Variants in ELOVL2 observed in about 807,000 individuals in gnomAD.
ELOVL2 encodes the protein very long chain fatty acid elongase 2.
A neutral mutation model predicts 37.7 loss-of-function variants in ELOVL2; 38 were observed. The ratio of observed to expected loss-of-function variants is 1.01; its 90% CI spans 0.78 to 1.32. The LOEUF (loss-of-function observed/expected upper bound fraction) is 1.32, where lower values mean the gene tolerates loss of function less well. ELOVL2 is among the 40% of genes most tolerant of loss of function. ELOVL2 has a pLI of 0.00. For missense variants in ELOVL2, 352 were observed against 363.6 expected (o/e 0.97, Z 0.26); for synonymous variants, 115 against 122.3 (o/e 0.94, Z 0.40).
intron 5 of ELOVL2, among the ~76,000 whole-genome samples, chr6:10,992,814 A>C (rs1483154785): frequency 6.6e-6 from 1 of 151,948 alleles, no homozygotes; most frequent in African/African-American, 2.4e-5. Context: ...AAAAAACAAA[A>C]AAAAACAGGA....
Position 10,982,531 on chromosome 6 carries a change from A to G in ELOVL2, c.*1250T>C, listed in dbSNP as rs1311934552. On this transcript the variant is annotated 3_prime_UTR_variant, in exon 8 of 8. Transcript: ENST00000354666. ...TATTCTTTGTTTCCATTCTTGGTAG[A>G]GTTTAGTAGTGAGTAACAGTCCTGC... 1 of 152,192 alleles carries G rather than the reference A, an allele frequency of 6.6e-6. No homozygotes were observed. Among genetic ancestry groups the G allele is most frequent in the Non-Finnish European group, 1.5e-5 (1 of 68,032 alleles). 9.4% of individuals were successfully genotyped at this position (152,192 alleles called of 1,614,324 possible). A position where few individuals can be genotyped will look rare whatever the true frequency, so the allele number is the denominator to read the frequency against.
At position 10,983,385 on chromosome 6, in the gene ELOVL2, A is replaced by G. The variant is rs1444103970; in HGVS notation, c.*396T>C. 2 of 156,198 alleles carry G rather than the reference A, an allele frequency of 1.3e-5. No homozygotes were observed. The highest frequency in any genetic ancestry group is 3.8e-4 in the East Asian group (2 of 5,328). 9.7% of individuals were successfully genotyped at this position (156,198 alleles called of 1,614,324 possible). The stretch of plus-strand genomic sequence containing the variant: ...TTAGAACATACCCTGTATTTAGAAT[A>G]TAATTAACATTTTGTTGTAAACATT... On this transcript the variant is annotated 3_prime_UTR_variant, in exon 8 of 8. Coordinates refer to ENST00000354666, the MANE Select transcript of ELOVL2 (RefSeq NM_017770.4).
At chr6:11,022,915 T>C (rs1199473003) in intron 1 of ELOVL2, among the ~76,000 whole-genome samples, 2 of 152,198 alleles carry the variant, frequency 1.3e-5, no homozygotes, top group African/African-American at 4.8e-5. Context: ...TCCAAACACA[T>C]ACTTGTAACA....
At position 10,995,095 on chromosome 6, in the gene ELOVL2, C is replaced by T. The variant is rs141887901; in HGVS notation, c.417G>A (p.Thr139=). 2.3e-5 allele frequency: 37 copies of T among 1,612,826 alleles called. 1 individual carries two copies. In the Middle Eastern group the frequency reaches 6.6e-4, roughly 29 times the overall value. Residue 139 remains threonine, a synonymous_variant, in exon 5 of 8, where the codon ACG becomes ACA. Transcript: ENST00000354666. ...DTIFFVLRKK[T]SQITFLHVYH... ...ATACATGAAGAAAAGTAATCTGACT[C>T]GTTTTTTTCCGCAAAACGAAGAAAA...
At chr6:11,015,089 G>C (rs1285276737) in intron 1 of ELOVL2, among the ~76,000 whole-genome samples, 1 of 152,234 alleles carries the variant, frequency 6.6e-6, no homozygotes, top group South Asian at 2.1e-4. Flanking sequence ...AAATTATTCT[G>C]CATGAAAAAA....
At chr6:11,000,271 G>C in intron 3 of ELOVL2, 107 bp from the exon 4 acceptor site, 1 of 970,176 alleles carries the variant, frequency 1.0e-6, no homozygotes, top group Non-Finnish European at 1.6e-6. Flanking sequence ...GTTTGAGTAG[G>C]AATTTCCCAG....
intron 5 of ELOVL2, among the ~76,000 whole-genome samples, chr6:10,993,241 G>A: frequency 6.6e-6 from 1 of 152,194 alleles, no homozygotes; most frequent in Non-Finnish European, 1.5e-5. Context: ...TTATGAACCA[G>A]GAATTGGGTT....
chr6:10,992,809 A>C (rs1225718), intron 5 of ELOVL2, among the ~76,000 whole-genome samples: 27 of 150,466 alleles, frequency 1.8e-4, no homozygotes, highest in Admixed American at 4.7e-4. Flanking sequence ...ACAAAAAAAA[A>C]CAAAAAAAAA....
intron 1 of ELOVL2, among the ~76,000 whole-genome samples, chr6:11,022,231 T>G (rs1165510544): frequency 6.6e-6 from 1 of 152,238 alleles, no homozygotes; most frequent in Non-Finnish European, 1.5e-5. Context: ...AAGCCTCCTG[T>G]GTCAGAAGTT....
chr6:11,015,154 A>G (rs1216992161), intron 1 of ELOVL2, among the ~76,000 whole-genome samples: 1 of 152,244 alleles, frequency 6.6e-6, no homozygotes, highest in East Asian at 1.9e-4. Flanking sequence ...TCTAGAAAAT[A>G]TAACTTATAG....
At chr6:10,993,237 A>C (rs1782197927) in intron 5 of ELOVL2, among the ~76,000 whole-genome samples, 1 of 152,258 alleles carries the variant, frequency 6.6e-6, no homozygotes, top group African/African-American at 2.4e-5. Context: ...AGAATTATGA[A>C]CCAGGAATTG....
intron 4 of ELOVL2, among the ~76,000 whole-genome samples, chr6:10,998,487 G>A (rs1007251981): frequency 1.3e-5 from 2 of 151,972 alleles, no homozygotes; most frequent in Non-Finnish European, 2.9e-5. Context: ...CCTTCAAAAG[G>A]TAACAATAAG....
At chr6:11,002,214 T>C (rs1782399206) in intron 3 of ELOVL2, among the ~76,000 whole-genome samples, 1 of 152,218 alleles carries the variant, frequency 6.6e-6, no homozygotes, top group South Asian at 2.1e-4. Flanking sequence ...TCATTCAGTC[T>C]CAACTCCAAT....
At position 11,021,222 on chromosome 6, in the gene ELOVL2, G is replaced by A. The variant is rs114894675; in HGVS notation, c.4-10413C>T. 8.0e-3 allele frequency among the ~76,000 whole-genome samples: 1,215 copies of A among 152,274 alleles called. 19 individuals carry two copies. The highest frequency in any genetic ancestry group is 0.027 in the African/African-American group (1,135 of 41,548). On this transcript the variant is annotated intron_variant, in intron 1 of 7. Coordinates refer to ENST00000354666, the MANE Select transcript of ELOVL2 (RefSeq NM_017770.4). Reference sequence around the variant, plus strand: ...CCAACACATCCTGTTCTCTCCGCATGTGCCACTGCATGTGTTCTTCCCTCT... The same window carrying A: ...CCAACACATCCTGTTCTCTCCGCATATGCCACTGCATGTGTTCTTCCCTCT...
At chr6:10,992,012 G>A (rs1463348421) in intron 5 of ELOVL2, among the ~76,000 whole-genome samples, 3 of 152,130 alleles carry the variant, frequency 2.0e-5, no homozygotes, top group Non-Finnish European at 4.4e-5. Context: ...TGATGATTTG[G>A]GTTTTAGATG....
chr6:11,018,390 T>C (rs935967585), intron 1 of ELOVL2, among the ~76,000 whole-genome samples: 2 of 152,210 alleles, frequency 1.3e-5, no homozygotes, highest in African/African-American at 2.4e-5. Flanking sequence ...GCCACCACGA[T>C]TGCCTCATCT....
intron 2 of ELOVL2, among the ~76,000 whole-genome samples, chr6:11,007,781 C>T (rs1376457231): frequency 6.6e-6 from 1 of 152,182 alleles, no homozygotes; most frequent in African/African-American, 2.4e-5. Context: ...CTGTCTGACT[C>T]ATACCCACGT....
intron 1 of ELOVL2, among the ~76,000 whole-genome samples, chr6:11,043,989 G>A (rs1272838401): frequency 2.0e-5 from 3 of 151,708 alleles, no homozygotes; most frequent in Non-Finnish European, 2.9e-5. Flanking sequence ...GGGGAGAGGG[G>A]ACCGAGACAA....
At chr6:11,010,567 T>G (rs9295752) in intron 2 of ELOVL2, among the ~76,000 whole-genome samples, 179 bp downstream of exon 2, 83,358 of 152,034 alleles carry the variant, frequency 0.55, 24,095 homozygotes, top group East Asian at 0.91. Flanking sequence ...GGTTAAGCAG[T>G]AGGAGAAATG....
Sources: gnomAD v4.1 joint callset for allele counts (sites outside exome capture counted in the v4.1 genomes callset) on GRCh38, gnomAD v4.1.1 for gene constraint, MANE v1.5 for transcripts, NCBI Gene and HGNC (gene_info 2026-07-23, HGNC 2026-07-21) for gene names.